Variants in ANKFY1 observed in about 807,000 individuals in gnomAD.
ANKFY1 encodes ankyrin repeat and FYVE domain containing 1.
In ANKFY1, 47 loss-of-function variants were observed where a neutral mutation model predicts 128.3. That is an observed-to-expected ratio of 0.37 (90% CI 0.29 to 0.47). The LOEUF (loss-of-function observed/expected upper bound fraction) is 0.47, where lower values mean the gene tolerates loss of function less well. Among genes scored for constraint, ANKFY1 ranks in the 20% least tolerant of loss-of-function variants. The probability of loss-of-function intolerance (pLI) is 1.00; values close to 1 mark genes in which losing one functional copy is unlikely to be tolerated. For missense variants in ANKFY1, 1,222 were observed against 1,510.6 expected, an observed-to-expected ratio of 0.81 and a Z score of 3.17; for synonymous variants, 553 against 601.6, an observed-to-expected ratio of 0.92 and a Z score of 1.18.
intron 6 of ANKFY1, 150 bp downstream of exon 6, chr17:4,207,783 C>A (rs1053606140): frequency 4.3e-5 from 31 of 717,018 alleles, no homozygotes; most frequent in Non-Finnish European, 6.3e-5. Context: ...TTAGAAAAAG[C>A]TCAGATTGCC....
chr17:4,244,997 G>T (rs1196093332), intron 1 of ANKFY1, among the ~76,000 whole-genome samples: 1 of 151,920 alleles, frequency 6.6e-6, no homozygotes, highest in Non-Finnish European at 1.5e-5. Context: ...CCATCCCCTT[G>T]AAACTCCTCT....
At chr17:4,234,670 G>A (rs1204871953) in intron 3 of ANKFY1, among the ~76,000 whole-genome samples, 2 of 151,970 alleles carry the variant, frequency 1.3e-5, no homozygotes, top group African/African-American at 4.8e-5. Context: ...ATGCCATCCT[G>A]TCCAGCTAAT....
chr17:4,249,261 A>T (rs1050641388), intron 1 of ANKFY1: 9 of 191,958 alleles, frequency 4.7e-5, no homozygotes, highest in Non-Finnish European at 8.6e-5. Context: ...GCCAGTTGGA[A>T]CACAAAAGTA....
intron 1 of ANKFY1, among the ~76,000 whole-genome samples, chr17:4,245,920 T>G (rs1225940048): frequency 6.6e-6 from 1 of 151,766 alleles, no homozygotes; most frequent in South Asian, 2.1e-4. Flanking sequence ...GGCACACAAC[T>G]GTAGTCCCAG....
intron 12 of ANKFY1, among the ~76,000 whole-genome samples, chr17:4,184,501 A>G (rs1375838325): frequency 1.3e-5 from 2 of 152,196 alleles, no homozygotes; most frequent in African/African-American, 4.8e-5. Context: ...AGGGTTCTCA[A>G]AGACAGTGCT....
At chr17:4,194,111 T>A (rs1188112175) in intron 10 of ANKFY1, among the ~76,000 whole-genome samples, 4 of 134,226 alleles carry the variant, frequency 3.0e-5, no homozygotes, top group South Asian at 2.5e-4. Flanking sequence ...ATATTTTTTT[T>A]TTTTTTTTTT....
At position 4,190,123 on chromosome 17, in the gene ANKFY1, C is replaced by T. The variant is rs151079981; in HGVS notation, c.1373-644G>A. 4.6e-5 allele frequency among the ~76,000 whole-genome samples: 7 copies of T among 152,302 alleles called. No homozygotes were observed. The East Asian group carries it at 1.3e-3, about 29-fold the overall frequency. On this transcript the variant is annotated intron_variant, in intron 10 of 24. Coordinates refer to ENST00000341657, the MANE Select transcript of ANKFY1 (RefSeq NM_001330063.2). ...ACTGTACAATGTTCGGCAGCATCCT[C>T]TGAACTTAAAGACAATTAGAAATGT...
chr17:4,220,144 T>C (rs1183822809), intron 3 of ANKFY1, among the ~76,000 whole-genome samples: 1 of 152,156 alleles, frequency 6.6e-6, no homozygotes, highest in African/African-American at 2.4e-5. Flanking sequence ...ACTTTTAAAA[T>C]GTTTTAAAAG....
At chr17:4,223,187 A>G (rs1266839673) in intron 3 of ANKFY1, 4 of 798,382 alleles carry the variant, frequency 5.0e-6, no homozygotes, top group South Asian at 2.8e-5. Context: ...TAAGCTGCAA[A>G]GTCTTCATCA....
rs2059172615 is a variant in ANKFY1 at position 4,164,214 on chromosome 17, C to T, written c.*3565G>A. The T allele has an allele frequency of 6.6e-6, 1 of 152,498 alleles. No individual in the cohort carries two copies. Among genetic ancestry groups the T allele is most frequent in the Admixed American group, 6.5e-5 (1 of 15,276 alleles). 9.4% of individuals were successfully genotyped at this position (152,498 alleles called of 1,614,324 possible). On this transcript the variant is annotated 3_prime_UTR_variant, in exon 25 of 25. Coordinates refer to ENST00000341657, the MANE Select transcript of ANKFY1 (RefSeq NM_001330063.2). ...AAGTCATCAAGGCGAGCAGTCTCGA[C>T]TCAAGACTCCCTAGCTGCAGAAAAC...
rs2059476698 is a variant in ANKFY1, at chr17:4,179,787, T to C, written c.2331A>G (p.Ala777=). The stretch of plus-strand genomic sequence containing the variant: ...CTGTCTCTTCCAGCCCCCAAGAGGC[T>C]GCCAAATGCAAAGGGGTCTGCCCAT... The part of the protein sequence containing the change: ...ARDGQTPLHL[A]ASWGLEETVQ... The change falls in exon 17 of 25, where the codon GCA becomes GCG. Residue 777 remains alanine, a synonymous_variant. Transcript: ENST00000341657. 1.9e-6 allele frequency: 3 copies of C among 1,614,136 alleles called. No homozygotes were observed. In the African/African-American group the frequency reaches 4.0e-5, roughly 22 times the overall value.
chr17:4,215,356 G>C (rs1228270063), intron 4 of ANKFY1, among the ~76,000 whole-genome samples: 1 of 149,694 alleles, frequency 6.7e-6, no homozygotes, highest in Non-Finnish European at 1.5e-5. Context: ...AAAAAGAAAA[G>C]ATTTTCCTGA....
intron 3 of ANKFY1, among the ~76,000 whole-genome samples, chr17:4,219,274 T>C (rs1379877247): frequency 6.6e-6 from 1 of 151,936 alleles, no homozygotes; most frequent in Non-Finnish European, 1.5e-5. Context: ...ATAAGAAGAG[T>C]GATGGTCAGA....
rs1567952977 is a variant in ANKFY1, at chr17:4,217,136, GAAC to G, written c.323-21_323-19del. The stretch of plus-strand genomic sequence containing the variant: ...ATTAGCATCTGGTTAAAGAAAGAGA[GAAC>G]AACTGAAAAAGCATAGAATGACATG... On this transcript the variant is annotated intron_variant, in intron 3 of 24. Transcript: ENST00000341657. 4.4e-6 allele frequency: 7 copies of G among 1,603,606 alleles called. No homozygotes were observed. The highest frequency in any genetic ancestry group is 2.2e-5 in the East Asian group (1 of 44,636).
chr17:4,241,470 CG>C (rs1967220322), intron 2 of ANKFY1, among the ~76,000 whole-genome samples: 1 of 151,376 alleles, frequency 6.6e-6, no homozygotes, highest in African/African-American at 2.4e-5. Flanking sequence ...TTTGTAGAGA[CG>C]GGGTTTCACC....
chr17:4,179,783 A>T lies in ANKFY1; in HGVS notation c.2335T>A (p.Ser779Thr). 6.2e-7 allele frequency: 1 copy of T among 1,614,200 alleles called. No individual in the cohort carries two copies. The change falls in exon 17 of 25, where the codon TCT becomes ACT. Residue 779 changes from serine (S) to threonine (T), a missense_variant. By Grantham distance (58) the Ser-to-Thr change is moderately conservative (BLOSUM62 1). Coordinates refer to ENST00000341657, the MANE Select transcript of ANKFY1 (RefSeq NM_001330063.2). The stretch of plus-strand genomic sequence containing the variant: ...TGTACTGTCTCTTCCAGCCCCCAAG[A>T]GGCTGCCAAATGCAAAGGGGTCTGC... ...DGQTPLHLAA[S>T]WGLEETVQCL... is the part of the protein sequence containing the mutation.
intron 4 of ANKFY1, among the ~76,000 whole-genome samples, chr17:4,210,545 C>T (rs910087064): frequency 3.3e-5 from 5 of 151,870 alleles, no homozygotes; most frequent in Non-Finnish European, 5.9e-5. Flanking sequence ...CCCATCTCTA[C>T]TAAAAATACA....
chr17:4,208,850 G>T (rs2060073543), intron 5 of ANKFY1, among the ~76,000 whole-genome samples: 1 of 152,210 alleles, frequency 6.6e-6, no homozygotes, highest in Non-Finnish European at 1.5e-5. Flanking sequence ...CCTGAGGTTG[G>T]GAGTTTGAGA....
Position 4,169,306 on chromosome 17 carries a change from G to A in ANKFY1, c.3287-18C>T. ...CAGCATATCTGCAACACAGGGGGGA[G>A]GCCCGGTCCCGTCAAACCGCGACGG... On this transcript the variant is annotated intron_variant, in intron 23 of 24. Transcript: ENST00000341657. The surrounding 1 kb of genome is among the most constrained non-coding windows in gnomAD (Gnocchi z 5.0). The A allele has an allele frequency of 6.5e-7, 1 of 1,536,352 alleles. No individual in the cohort carries two copies. Among genetic ancestry groups the A allele is most frequent in the Non-Finnish European group, 8.8e-7 (1 of 1,135,834 alleles).
Sources: gnomAD v4.1 joint callset for allele counts (sites outside exome capture counted in the v4.1 genomes callset) on GRCh38, gnomAD v4.1.1 for gene constraint, Gnocchi (gnomAD v3.1) non-coding constraint, MANE v1.5 for transcripts, NCBI Gene and HGNC (gene_info 2026-07-23, HGNC 2026-07-21) for gene names.